DERA: variants seen among roughly 807,000 people sequenced by gnomAD.
DERA encodes the protein deoxyribose-phosphate aldolase.
Under a neutral mutation model 41.1 loss-of-function variants are expected in DERA, and 15 were observed. The observed-to-expected ratio is 0.37, with a 90% confidence interval of 0.24 to 0.56. DERA has a LOEUF of 0.56. Among genes scored for constraint, DERA ranks in the 20% least tolerant of loss-of-function variants. The pLI is 0.81. For missense variants in DERA, 396 were observed against 403.4 expected (o/e 0.98, Z 0.16); for synonymous variants, 139 against 137.4 (o/e 1.01, Z -0.08).
At chr12:16,005,561 T>C (rs570222916) in intron 6 of DERA, among the ~76,000 whole-genome samples, 4 of 152,336 alleles carry the variant, frequency 2.6e-5, no homozygotes, top group African/African-American at 9.6e-5. Context: ...TGTTAGACAA[T>C]ATCTCAATCA....
Position 15,982,335 on chromosome 12 carries a change from G to A in DERA, c.536G>A (p.Arg179His), listed in dbSNP as rs778363116. The stretch of plus-strand genomic sequence containing the variant: ...CTGTATGATGAGATTCGTCAGTTTC[G>A]CAAGGCCTGTGGGGAGGCTCATCTT... ...EALYDEIRQF[R>H]KACGEAHLKT... Residue 179 changes from arginine to histidine, a missense_variant, in exon 6 of 9, where the codon CGC becomes CAC. Transcript: ENST00000428559. This position sits in a 1 kb window ranked among gnomAD's most constrained non-coding sequence, Gnocchi z 4.0. 7 of 1,613,204 alleles carry A rather than the reference G, an allele frequency of 4.3e-6. No homozygotes were observed. Among genetic ancestry groups the A allele is most frequent in the Admixed American group, 1.7e-5 (1 of 59,808 alleles).
At position 16,036,091 on chromosome 12, in the gene DERA, C is replaced by T; in HGVS notation, c.751-141C>T. The T allele has an allele frequency of 4.2e-6, 3 of 719,638 alleles. No individual in the cohort carries two copies. The highest frequency in any genetic ancestry group is 6.1e-6 in the Non-Finnish European group (3 of 494,646). The allele number at this position is 719,638 out of a possible 1,614,324, so 44.6% of individuals were successfully genotyped here. The stretch of plus-strand genomic sequence containing the variant: ...AATGAGCATGAGTCACTGATCTAAG[C>T]CCTTTCACTGGATGAAGTGAAAAGA... On this transcript the variant is annotated intron_variant, in intron 7 of 8. Coordinates refer to ENST00000428559, the MANE Select transcript of DERA (RefSeq NM_015954.4). This position sits in a 1 kb window ranked among gnomAD's most constrained non-coding sequence, Gnocchi z 4.9.
chr12:15,970,997 T>C lies in DERA; in HGVS notation c.508+8050T>C, dbSNP rs1229103421. Among the ~76,000 whole-genome samples, 1 of 152,222 alleles carries C rather than the reference T, an allele frequency of 6.6e-6. No individual in the cohort carries two copies. Among genetic ancestry groups the C allele is most frequent in the Non-Finnish European group, 1.5e-5 (1 of 68,042 alleles). ...GGCAGAAAATCCAGGTTGTAAGATT[T>C]GGAAAAAGGAGTGTCCACACCATGG... On this transcript the variant is annotated intron_variant, in intron 5 of 8. Transcript: ENST00000428559. The surrounding 1 kb of genome is among the most constrained non-coding windows in gnomAD (Gnocchi z 4.3).
chr12:15,987,925 G>C (rs1408320242), intron 6 of DERA, among the ~76,000 whole-genome samples: 1 of 152,122 alleles, frequency 6.6e-6, no homozygotes, highest in Admixed American at 6.5e-5. Context: ...GTGAGTGCAC[G>C]CGGGGTCCAG....
rs1488866867 is a variant in DERA, at chr12:15,940,082, G to T, written c.32-16854G>T. 6.6e-6 allele frequency among the ~76,000 whole-genome samples: 1 copy of T among 152,112 alleles called. No homozygotes were observed. The highest frequency in any genetic ancestry group is 1.5e-5 in the Non-Finnish European group (1 of 68,008). ...CTACAACAAAATTTGTATCCATGTT[G>T]TCACTGCAAAATCACATAATTATGT... On this transcript the variant is annotated intron_variant, in intron 1 of 8. Coordinates refer to ENST00000428559, the MANE Select transcript of DERA (RefSeq NM_015954.4). This position sits in a 1 kb window ranked among gnomAD's most constrained non-coding sequence, Gnocchi z 5.1.
rs750192945 is a variant in DERA, at chr12:15,978,230, G to A, written c.509-4078G>A. The stretch of plus-strand genomic sequence containing the variant: ...ATGGTACTGTCAAAGTCCTCAAAAC[G>A]ACCTAAACACTAATAATGCTTCTTT... On this transcript the variant is annotated intron_variant, in intron 5 of 8. Coordinates refer to ENST00000428559, the MANE Select transcript of DERA (RefSeq NM_015954.4). Among the ~76,000 whole-genome samples, 49 of 152,144 alleles carry A rather than the reference G, an allele frequency of 3.2e-4. 1 individual carries two copies. The highest frequency in any genetic ancestry group is 6.2e-4 in the Non-Finnish European group (42 of 68,016).
At position 15,984,628 on chromosome 12, in the gene DERA, C is replaced by A. The variant is rs976550900; in HGVS notation, c.637+2192C>A. Among the ~76,000 whole-genome samples, 3 of 152,102 alleles carry A rather than the reference C, an allele frequency of 2.0e-5. No individual in the cohort carries two copies. The highest frequency in any genetic ancestry group is 7.2e-5 in the African/African-American group (3 of 41,412). ...TAAATAACCTGTATCACTATTTGAACACTCTGGTCTTCTGGCTCCAGATTT... is the reference window on the plus strand; with the variant it reads ...TAAATAACCTGTATCACTATTTGAAAACTCTGGTCTTCTGGCTCCAGATTT... On this transcript the variant is annotated intron_variant, in intron 6 of 8. Transcript: ENST00000428559. This position sits in a 1 kb window ranked among gnomAD's most constrained non-coding sequence, Gnocchi z 4.5.
chr12:15,916,557 C>T (rs79984955), intron 1 of DERA, among the ~76,000 whole-genome samples: 18,550 of 150,818 alleles, frequency 0.12, 1,538 homozygotes, highest in Admixed American at 0.22. Flanking sequence ...TTCAAGTGAG[C>T]CTCCAGTCTC....
chr12:15,921,473 A>G lies in DERA; in HGVS notation c.31+10059A>G, dbSNP rs7310070. ...AACATATTCATGTTTCCTTGAGATT[A>G]TGGATTAAGTTTGTATTTTGGACTC... On this transcript the variant is annotated intron_variant, in intron 1 of 8. Transcript: ENST00000428559. The surrounding 1 kb of genome is among the most constrained non-coding windows in gnomAD (Gnocchi z 5.3). Among the ~76,000 whole-genome samples, 13,312 of 152,236 alleles carry G rather than the reference A, an allele frequency of 0.087. 1,947 individuals are homozygous for G. Among genetic ancestry groups the G allele is most frequent in the African/African-American group, 0.3 (12,396 of 41,496 alleles).
In DERA at chr12:15,994,531, G is replaced by A. The variant is rs1177175939; in HGVS notation, c.637+12095G>A. On this transcript the variant is annotated intron_variant, in intron 6 of 8. Coordinates refer to ENST00000428559, the MANE Select transcript of DERA (RefSeq NM_015954.4). This position sits in a 1 kb window ranked among gnomAD's most constrained non-coding sequence, Gnocchi z 4.8. ...TGCAGTGGCGCGATCTCTGCTCACT[G>A]CAAGCTCTGCCTCCCGGGTTCACGC... Among the ~76,000 whole-genome samples the A allele has an allele frequency of 1.3e-5, 2 of 152,208 alleles. No individual in the cohort carries two copies. Among genetic ancestry groups the A allele is most frequent in the African/African-American group, 4.8e-5 (2 of 41,444 alleles).
rs4764233 is a variant in DERA, at chr12:15,972,638, T to C, written c.509-9670T>C. 111,009 of 176,878 alleles carry C rather than the reference T, an allele frequency of 0.63. 35,226 individuals are homozygous for C. The highest frequency in any genetic ancestry group is 0.82 in the East Asian group (6,042 of 7,332). 11.0% of individuals were successfully genotyped at this position (176,878 alleles called of 1,614,324 possible). A position where few individuals can be genotyped will look rare whatever the true frequency, so the allele number is the denominator to read the frequency against. ...ACGCATAGTGCAGAAGTCGGGGACC[T>C]CCAGCGTGCACCCAGAGAGGGAACG... On this transcript the variant is annotated intron_variant, in intron 5 of 8. Transcript: ENST00000428559. The surrounding 1 kb of genome is among the most constrained non-coding windows in gnomAD (Gnocchi z 4.4).
At position 16,026,226 on chromosome 12, in the gene DERA, T is replaced by C. The variant is rs1949052068; in HGVS notation, c.638-6316T>C. 6.6e-6 allele frequency among the ~76,000 whole-genome samples: 1 copy of C among 151,918 alleles called. No homozygotes were observed. Among genetic ancestry groups the C allele is most frequent in the Non-Finnish European group, 1.5e-5 (1 of 67,902 alleles). ...GAAAACAAAAACAACAGAGAAATTT[T>C]TTTTTTTAAATATCCTAAAAGCTAC... On this transcript the variant is annotated intron_variant, in intron 6 of 8. Coordinates refer to ENST00000428559, the MANE Select transcript of DERA (RefSeq NM_015954.4). This position sits in a 1 kb window ranked among gnomAD's most constrained non-coding sequence, Gnocchi z 4.4.
At position 16,032,654 on chromosome 12, in the gene DERA, G is replaced by A. The variant is rs1165387636; in HGVS notation, c.750G>A (p.Lys250=). ...IRDFFWKTGN[K]IGFKPAGGIR... is the part of the protein sequence containing the mutation. ...ATTTCTTCTGGAAAACTGGAAACAA[G>A]GTATATTATTGCCAGCAAATCTTTC... is the stretch of plus-strand genomic sequence containing the variant. The change falls in exon 7 of 9, where the codon AAG becomes AAA. Residue 250 remains lysine, a splice_region_variant and synonymous_variant. Transcript: ENST00000428559. 1 of 1,524,760 alleles carries A rather than the reference G, an allele frequency of 6.6e-7. No individual in the cohort carries two copies. The allele number at this position is 1,524,760 out of a possible 1,614,324, so 94.5% of individuals were successfully genotyped here.
chr12:16,001,889 T>C lies in DERA; in HGVS notation c.637+19453T>C, dbSNP rs1948877097. 6.6e-6 allele frequency among the ~76,000 whole-genome samples: 1 copy of C among 152,098 alleles called. No homozygotes were observed. The highest frequency in any genetic ancestry group is 1.5e-5 in the Non-Finnish European group (1 of 68,004). On this transcript the variant is annotated intron_variant, in intron 6 of 8. Coordinates refer to ENST00000428559, the MANE Select transcript of DERA (RefSeq NM_015954.4). The surrounding 1 kb of genome is among the most constrained non-coding windows in gnomAD (Gnocchi z 4.1). Reference sequence around the variant, plus strand: ...AGCTTAGAGAGGAAACAAACCCCGGTATGGACTTTTCAGACAAAATACTGC... The same window carrying C: ...AGCTTAGAGAGGAAACAAACCCCGGCATGGACTTTTCAGACAAAATACTGC...
intron 5 of DERA, among the ~76,000 whole-genome samples, chr12:15,969,559 A>G (rs1477176375): frequency 2.0e-5 from 3 of 152,200 alleles, no homozygotes; most frequent in Admixed American, 6.5e-5. Flanking sequence ...ATCTCCTTCA[A>G]TTGTTTACCC....
rs1313048795 is a variant in DERA at position 16,036,480 on chromosome 12, T to C, written c.900+99T>C. The C allele has an allele frequency of 1.8e-5, 25 of 1,366,522 alleles. No homozygotes were observed. The highest frequency in any genetic ancestry group is 2.3e-5 in the Non-Finnish European group (23 of 999,660). The allele number at this position is 1,366,522 out of a possible 1,614,324, so 84.6% of individuals were successfully genotyped here. ...GAACTGGAGATAAAAACTCATCTGATTGACCTCATCCTACCCAATCCTCTA... is the reference window on the plus strand; with the variant it reads ...GAACTGGAGATAAAAACTCATCTGACTGACCTCATCCTACCCAATCCTCTA... On this transcript the variant is annotated intron_variant, in intron 8 of 8. Coordinates refer to ENST00000428559, the MANE Select transcript of DERA (RefSeq NM_015954.4). This position sits in a 1 kb window ranked among gnomAD's most constrained non-coding sequence, Gnocchi z 4.9.
intron 1 of DERA, among the ~76,000 whole-genome samples, chr12:15,929,275 C>T (rs1313002330): frequency 6.6e-6 from 1 of 152,186 alleles, no homozygotes; most frequent in African/African-American, 2.4e-5. Context: ...ACTGGGAAAA[C>T]CAGCCGCCTT....
chr12:16,003,141 G>A lies in DERA; in HGVS notation c.637+20705G>A, dbSNP rs558579591. Among the ~76,000 whole-genome samples the A allele has an allele frequency of 1.5e-4, 23 of 152,214 alleles. No individual in the cohort carries two copies. Among genetic ancestry groups the A allele is most frequent in the Admixed American group, 7.2e-4 (11 of 15,292 alleles). ...TTTGTGGCTCTCCCCTTACTTGCAG[G>A]GGATTGTTGCCTATCTTTGGTGTTT... On this transcript the variant is annotated intron_variant, in intron 6 of 8. Transcript: ENST00000428559. This position sits in a 1 kb window ranked among gnomAD's most constrained non-coding sequence, Gnocchi z 4.8.
chr12:15,976,198 A>G lies in DERA; in HGVS notation c.509-6110A>G, dbSNP rs750847927. On this transcript the variant is annotated intron_variant, in intron 5 of 8. Transcript: ENST00000428559. This position sits in a 1 kb window ranked among gnomAD's most constrained non-coding sequence, Gnocchi z 4.1. The stretch of plus-strand genomic sequence containing the variant: ...TACCCCTTCTTCCCGTCAGTGAGAT[A>G]TCTTGCTCCCATTATCCATTATCTT... 3.3e-5 allele frequency among the ~76,000 whole-genome samples: 5 copies of G among 152,132 alleles called. No individual in the cohort carries two copies. The highest frequency in any genetic ancestry group is 5.9e-5 in the Non-Finnish European group (4 of 68,034).
Sources: allele counts gnomAD v4.1 joint callset (sites outside exome capture counted in the v4.1 genomes callset), GRCh38; gene constraint gnomAD v4.1.1; non-coding constraint Gnocchi (gnomAD v3.1); transcripts MANE v1.5; gene names NCBI Gene and HGNC (gene_info 2026-07-23, HGNC 2026-07-21).